The following NIM1K variants were observed in gnomAD, a reference collection of about 807,000 sequenced individuals.
NIM1K encodes NIM1 serine/threonine protein kinase.
Under a neutral mutation model 37.1 loss-of-function variants are expected in NIM1K, and 35 were observed. The ratio of observed to expected loss-of-function variants is 0.94; its 90% CI spans 0.72 to 1.25. The LOEUF (loss-of-function observed/expected upper bound fraction) is 1.25. Ranked by LOEUF, NIM1K falls within the 50% of genes most tolerant of loss-of-function variation. The pLI, the probability that NIM1K is intolerant of heterozygous loss-of-function variation, is 0.00. For synonymous variants in NIM1K, 234 were observed against 206.6 expected (o/e 1.13, Z -1.14); for missense variants, 564 against 548.0 (o/e 1.03, Z -0.29).
intron 2 of NIM1K, among the ~76,000 whole-genome samples, chr5:43,255,992 G>A (rs1752940103): frequency 6.6e-6 from 1 of 151,944 alleles, no homozygotes; most frequent in African/African-American, 2.4e-5. Flanking sequence ...AAAGGGCAGA[G>A]AGTAACAGGG....
chr5:43,241,225 T>C (rs1752697742), intron 1 of NIM1K, among the ~76,000 whole-genome samples: 1 of 152,032 alleles, frequency 6.6e-6, no homozygotes, highest in South Asian at 2.1e-4. Context: ...TAAGGTTGAG[T>C]ACATTTTTGT....
chr5:43,259,149 C>G (rs1160492390), intron 2 of NIM1K, among the ~76,000 whole-genome samples: 1 of 152,146 alleles, frequency 6.6e-6, no homozygotes, highest in African/African-American at 2.4e-5. Context: ...TCTTTACCCA[C>G]TCATTGGTTG....
intron 1 of NIM1K, among the ~76,000 whole-genome samples, chr5:43,202,535 A>T (rs1297121912): frequency 1.3e-5 from 2 of 152,112 alleles, no homozygotes; most frequent in African/African-American, 4.8e-5. Context: ...TCCCCAGTGG[A>T]CTCCTAAAAG....
intron 2 of NIM1K, among the ~76,000 whole-genome samples, chr5:43,276,801 G>A (rs925644661): frequency 6.6e-6 from 1 of 152,206 alleles, no homozygotes; most frequent in Non-Finnish European, 1.5e-5. Flanking sequence ...TAGCAAAGGA[G>A]CTCTAGCTTT....
intron 1 of NIM1K, among the ~76,000 whole-genome samples, chr5:43,213,485 A>C (rs1579959415): frequency 6.7e-6 from 1 of 148,918 alleles, no homozygotes; most frequent in Non-Finnish European, 1.5e-5. Flanking sequence ...ATGCACCACC[A>C]CATCTGGCTA....
intron 2 of NIM1K, among the ~76,000 whole-genome samples, chr5:43,251,573 G>A (rs1303084139): frequency 6.6e-6 from 1 of 152,128 alleles, no homozygotes; most frequent in Non-Finnish European, 1.5e-5. Context: ...TGAGTACAGG[G>A]GAATTCTATG....
At chr5:43,262,974 G>A (rs1398404760) in intron 2 of NIM1K, among the ~76,000 whole-genome samples, 1 of 152,164 alleles carries the variant, frequency 6.6e-6, no homozygotes, top group Non-Finnish European at 1.5e-5. Flanking sequence ...CTTGATCGTG[G>A]TGGATAAGCT....
chr5:43,280,342 G>C lies in NIM1K; in HGVS notation c.924G>C (p.Gln308His). The change falls in exon 4 of 4, where the codon CAG becomes CAC. Residue 308 changes from glutamine (Q) to histidine (H), a missense_variant. Coordinates refer to ENST00000326035, the MANE Select transcript of NIM1K (RefSeq NM_153361.4). ...GACTCATCCGAGGAGTCCTTCAGCA[G>C]ATCCCCACGGAGAGGTACGGAATCG... is the stretch of plus-strand genomic sequence containing the variant. ...CHRLIRGVLQ[Q>H]IPTERYGIDC... The C allele has an allele frequency of 6.2e-7, 1 of 1,614,196 alleles. No individual in the cohort carries two copies. Among genetic ancestry groups the C allele is most frequent in the South Asian group, 1.1e-5 (1 of 91,078 alleles).
chr5:43,275,140 G>C (rs973834093), intron 2 of NIM1K, among the ~76,000 whole-genome samples: 1 of 152,180 alleles, frequency 6.6e-6, no homozygotes, highest in Non-Finnish European at 1.5e-5. Flanking sequence ...CTGCCAATTA[G>C]AAAATCTCTA....
At chr5:43,219,673 A>G (rs1226842603) in intron 1 of NIM1K, among the ~76,000 whole-genome samples, 1 of 152,116 alleles carries the variant, frequency 6.6e-6, no homozygotes, top group Non-Finnish European at 1.5e-5. Context: ...TAGACACACA[A>G]TTTGCAAAAA....
At chr5:43,206,989 G>A (rs1752122854) in intron 1 of NIM1K, 1 of 757,452 alleles carries the variant, frequency 1.3e-6, no homozygotes, top group South Asian at 1.4e-5. Flanking sequence ...AAGCGGAATT[G>A]AGTCAGGACA....
chr5:43,266,562 C>T (rs1753165280), intron 2 of NIM1K, among the ~76,000 whole-genome samples: 1 of 152,202 alleles, frequency 6.6e-6, no homozygotes, highest in Admixed American at 6.5e-5. Flanking sequence ...TGACCCCTTG[C>T]ACTTCCTGGG....
chr5:43,203,967 A>G (rs1431251367), intron 1 of NIM1K, among the ~76,000 whole-genome samples: 1 of 151,682 alleles, frequency 6.6e-6, no homozygotes. Flanking sequence ...CAGAAGTTGC[A>G]ATGAGCTGAG....
At chr5:43,192,624 C>G (rs1245362634) in intron 1 of NIM1K, among the ~76,000 whole-genome samples, 1 of 152,194 alleles carries the variant, frequency 6.6e-6, no homozygotes, top group Non-Finnish European at 1.5e-5. Flanking sequence ...CAGGCCGATC[C>G]GCAAGCGAGA....
intron 1 of NIM1K, among the ~76,000 whole-genome samples, chr5:43,210,490 G>A (rs1381042411): frequency 6.6e-6 from 1 of 152,134 alleles, no homozygotes; most frequent in African/African-American, 2.4e-5. Context: ...TTATACTACA[G>A]AGAGTCAATT....
intron 2 of NIM1K, among the ~76,000 whole-genome samples, chr5:43,274,785 C>T (rs749174445): frequency 3.3e-5 from 5 of 152,224 alleles, no homozygotes; most frequent in Non-Finnish European, 5.9e-5. Flanking sequence ...AGTGGACCTA[C>T]TTTAATATAC....
At chr5:43,234,675 C>T (rs763895857) in intron 1 of NIM1K, among the ~76,000 whole-genome samples, 1 of 152,112 alleles carries the variant, frequency 6.6e-6, no homozygotes, top group Non-Finnish European at 1.5e-5. Context: ...TGCTCTGTTG[C>T]CCAGGTTGGA....
chr5:43,239,942 C>A (rs111722835), intron 1 of NIM1K, among the ~76,000 whole-genome samples: 2 of 152,198 alleles, frequency 1.3e-5, no homozygotes, highest in African/African-American at 4.8e-5. Flanking sequence ...ATTTTAAAAG[C>A]AATCCATTAG....
intron 2 of NIM1K, among the ~76,000 whole-genome samples, chr5:43,269,214 G>A (rs780171875): frequency 3.2e-4 from 48 of 149,298 alleles, no homozygotes; most frequent in African/African-American, 9.7e-4. Context: ...GGAGGCTGAG[G>A]CAGGAGAATT....
Sources: allele counts gnomAD v4.1 joint callset (sites outside exome capture counted in the v4.1 genomes callset), GRCh38; gene constraint gnomAD v4.1.1; transcripts MANE v1.5; gene names NCBI Gene and HGNC (gene_info 2026-07-23, HGNC 2026-07-21).